Variants in NPL observed in about 807,000 individuals in gnomAD.
NPL encodes N-acetylneuraminate pyruvate lyase.
In NPL, 32 loss-of-function variants were observed where a neutral mutation model predicts 41.1. The ratio of observed to expected loss-of-function variants is 0.78; its 90% CI spans 0.59 to 1.05. The LOEUF is 1.05. NPL is among the 50% of genes least tolerant of loss of function. The pLI, the probability that NPL is intolerant of heterozygous loss-of-function variation, is 0.00. For missense variants in NPL, 321 were observed against 378.4 expected (o/e 0.85, Z 1.26); for synonymous variants, 128 against 134.9 (o/e 0.95, Z 0.35).
At chr1:182,806,625 G>A (rs1571436330) in intron 5 of NPL, 1 of 1,364,804 alleles carries the variant, frequency 7.3e-7, no homozygotes, top group East Asian at 2.5e-5. Context: ...AGCGCCTGAT[G>A]CTTGTATTGG....
At chr1:182,790,384 A>T (rs1015175905) in intron 1 of NPL, among the ~76,000 whole-genome samples, 1 of 152,214 alleles carries the variant, frequency 6.6e-6, no homozygotes, top group Non-Finnish European at 1.5e-5. Context: ...ACCCCCTCCC[A>T]ATGTTTCAGT....
chr1:182,814,838 TCCTC>T lies in NPL; in HGVS notation c.345_348del (p.Phe115LeufsTer9). Reference sequence around the variant, plus strand: ...GGCATCGCTGTCATTGCACCGTTCTTCCTCAAGCCATGGACCAAAGGTAAGTAGA... The same window carrying T: ...GGCATCGCTGTCATTGCACCGTTCTTAAGCCATGGACCAAAGGTAAGTAGA... On this transcript the variant is annotated frameshift_variant, in exon 7 of 13. Transcript: ENST00000367553. LOFTEE classifies it high-confidence loss of function. 6.2e-7 allele frequency: 1 copy of T among 1,614,048 alleles called. No homozygotes were observed. Among genetic ancestry groups the T allele is most frequent in the South Asian group, 1.1e-5 (1 of 91,080 alleles).
Position 182,819,319 on chromosome 1 carries a change from G to T in NPL, c.653+460G>T, listed in dbSNP as rs150377917. On this transcript the variant is annotated intron_variant, in intron 10 of 12. Coordinates refer to ENST00000367553, the MANE Select transcript of NPL (RefSeq NM_030769.3). ...AAATTAGCTGGGCATGGTGGCGGGC[G>T]CCTGTAATCCCAGCTACTTGGGAGG... is the stretch of plus-strand genomic sequence containing the variant. 7.2e-3 allele frequency among the ~76,000 whole-genome samples: 1,089 copies of T among 152,170 alleles called. 16 individuals are homozygous for T. The highest frequency in any genetic ancestry group is 0.025 in the African/African-American group (1,037 of 41,476).
intron 5 of NPL, among the ~76,000 whole-genome samples, chr1:182,808,126 G>C (rs564906359): frequency 6.6e-6 from 1 of 152,260 alleles, no homozygotes; most frequent in African/African-American, 2.4e-5. Flanking sequence ...CCTAACTTCT[G>C]TGTGCTTCAT....
In NPL at chr1:182,826,304, G is replaced by A. The variant is rs146382832; in HGVS notation, c.778+484G>A. 6.0e-4 allele frequency: 103 copies of A among 170,920 alleles called. 1 individual carries two copies. The East Asian group carries it at 0.015, about 24-fold the overall frequency. The allele number at this position is 170,920 out of a possible 1,614,324, so 10.6% of individuals were successfully genotyped here. On this transcript the variant is annotated intron_variant, in intron 12 of 12. Coordinates refer to ENST00000367553, the MANE Select transcript of NPL (RefSeq NM_030769.3). Reference sequence around the variant, plus strand: ...GACAAAGTAAAATTGGGGAGCAGTCGTGGGGAGAAATACAGTGAATTTGAG... The same window carrying A: ...GACAAAGTAAAATTGGGGAGCAGTCATGGGGAGAAATACAGTGAATTTGAG...
chr1:182,817,863 G>A (rs1667379043), intron 8 of NPL, among the ~76,000 whole-genome samples: 1 of 152,206 alleles, frequency 6.6e-6, no homozygotes, highest in African/African-American at 2.4e-5. Context: ...CACGTATTCA[G>A]CAACCCAGAA....
chr1:182,802,793 C>A (rs1406472644), intron 3 of NPL, among the ~76,000 whole-genome samples: 1 of 152,188 alleles, frequency 6.6e-6, no homozygotes, highest in Non-Finnish European at 1.5e-5. Flanking sequence ...AGATCTTAAC[C>A]TTAAGCATCA....
At chr1:182,815,530 T>C (rs185702402) in intron 7 of NPL, among the ~76,000 whole-genome samples, 3 of 152,326 alleles carry the variant, frequency 2.0e-5, no homozygotes, top group African/African-American at 7.2e-5. Flanking sequence ...ACATAGAAAA[T>C]AGTTCATTTA....
At chr1:182,790,613 T>TTGTTG (rs1553232091) in intron 1 of NPL, among the ~76,000 whole-genome samples, 12 of 150,376 alleles carry the variant, frequency 8.0e-5, no homozygotes, top group African/African-American at 9.8e-5. Flanking sequence ...GTTAAAGTCT[T>TTGTTG]TTGTTGTTGT....
In NPL at chr1:182,829,731, TC is replaced by T; in HGVS notation, c.*825del. The T allele has an allele frequency of 8.6e-7, 1 of 1,164,964 alleles. No individual in the cohort carries two copies. The highest frequency in any genetic ancestry group is 1.3e-6 in the Non-Finnish European group (1 of 796,634). 72.2% of individuals were successfully genotyped at this position (1,164,964 alleles called of 1,614,324 possible). The stretch of plus-strand genomic sequence containing the variant: ...GAATTATTGAAATCGAAGGCTGACT[TC>T]CTTTCTGCAGTGAGCCCAGGGGCTA... On this transcript the variant is annotated 3_prime_UTR_variant, in exon 13 of 13. Coordinates refer to ENST00000367553, the MANE Select transcript of NPL (RefSeq NM_030769.3).
chr1:182,794,278 T>C, intron 2 of NPL, 78 bp from the exon 3 acceptor site: 1 of 1,225,636 alleles, frequency 8.2e-7, no homozygotes, highest in Non-Finnish European at 1.2e-6. Context: ...AGTTCTAAAC[T>C]AGAAATGGAC....
chr1:182,829,141 A>C lies in NPL; in HGVS notation c.*233A>C. On this transcript the variant is annotated 3_prime_UTR_variant, in exon 13 of 13. Transcript: ENST00000367553. ...CATTTCACAGATTTTTTTGTGGAGAAATTTCTGTTTATATGGATGAAATGG... is the reference window on the plus strand; with the variant it reads ...CATTTCACAGATTTTTTTGTGGAGACATTTCTGTTTATATGGATGAAATGG... 7.3e-7 allele frequency: 1 copy of C among 1,373,852 alleles called. No homozygotes were observed. The highest frequency in any genetic ancestry group is 1.7e-5 in the South Asian group (1 of 60,316). The allele number at this position is 1,373,852 out of a possible 1,614,324, so 85.1% of individuals were successfully genotyped here.
Position 182,812,190 on chromosome 1 carries a change from A to G in NPL, c.265A>G (p.Ser89Gly). 1.2e-6 allele frequency: 2 copies of G among 1,613,910 alleles called. No individual in the cohort carries two copies. The highest frequency in any genetic ancestry group is 1.7e-6 in the Non-Finnish European group (2 of 1,179,806). ...DQVIIHVGAL[S>G]LKESQELAQH... Reference sequence around the variant, plus strand: ...GGTGATAATTCACGTAGGAGCACTGAGCTTGAAGGAGTCACAGGAACTGGT... The same window carrying G: ...GGTGATAATTCACGTAGGAGCACTGGGCTTGAAGGAGTCACAGGAACTGGT... Residue 89 changes from serine (S) to glycine (G), a missense_variant, in exon 6 of 13, where the codon AGC becomes GGC. Transcript: ENST00000367553.
chr1:182,808,349 A>G (rs571043001), intron 5 of NPL, among the ~76,000 whole-genome samples: 1 of 152,214 alleles, frequency 6.6e-6, no homozygotes, highest in Non-Finnish European at 1.5e-5. Flanking sequence ...TGAGAAGACC[A>G]CTAGGTTTGA....
At position 182,828,013 on chromosome 1, in the gene NPL, C is replaced by G. The variant is rs1270371881; in HGVS notation, c.779-711C>G. Among the ~76,000 whole-genome samples the G allele has an allele frequency of 6.6e-6, 1 of 152,196 alleles. No individual in the cohort carries two copies. Among genetic ancestry groups the G allele is most frequent in the East Asian group, 1.9e-4 (1 of 5,194 alleles). On this transcript the variant is annotated intron_variant, in intron 12 of 12. Transcript: ENST00000367553. This position sits in a 1 kb window ranked among gnomAD's most constrained non-coding sequence, Gnocchi z 4.0. ...GTGACATACATTGAGATCCACCATT[C>G]ACCTTTGGCTCAGGCTTGAGATTTC... is the stretch of plus-strand genomic sequence containing the variant.
chr1:182,821,095 A>G (rs1667475107), intron 10 of NPL, among the ~76,000 whole-genome samples: 1 of 152,192 alleles, frequency 6.6e-6, no homozygotes, highest in South Asian at 2.1e-4. Flanking sequence ...CTCCTCAGAC[A>G]TTGTTCTTCC....
At chr1:182,814,991 G>T in intron 7 of NPL, 133 bp downstream of exon 7, 5 of 708,360 alleles carry the variant, frequency 7.1e-6, no homozygotes, top group South Asian at 6.5e-5. Context: ...TGGTACAGTG[G>T]TTCTCTGAAA....
intron 3 of NPL, among the ~76,000 whole-genome samples, chr1:182,797,063 T>G (rs1666693808): frequency 6.7e-6 from 1 of 148,262 alleles, no homozygotes; most frequent in African/African-American, 2.6e-5. Context: ...CTCTTTCATA[T>G]TCTCCAAAGG....
Position 182,829,881 on chromosome 1 carries a change from T to C in NPL, c.*973T>C. ...CTTTTACTCTTTTCTTTCTGTGTAA[T>C]GTATCAACAACTGTTTAATCTCCCT... On this transcript the variant is annotated 3_prime_UTR_variant, in exon 13 of 13. Transcript: ENST00000367553. 1 of 499,454 alleles carries C rather than the reference T, an allele frequency of 2.0e-6. No individual in the cohort carries two copies. Among genetic ancestry groups the C allele is most frequent in the Admixed American group, 3.4e-5 (1 of 29,412 alleles). The allele number at this position is 499,454 out of a possible 1,614,324, so 30.9% of individuals were successfully genotyped here.
Sources: gnomAD v4.1 joint callset for allele counts (sites outside exome capture counted in the v4.1 genomes callset) on GRCh38, gnomAD v4.1.1 for gene constraint, Gnocchi (gnomAD v3.1) non-coding constraint, MANE v1.5 for transcripts, NCBI Gene and HGNC (gene_info 2026-07-23, HGNC 2026-07-21) for gene names.